The following PJVK variants were observed in gnomAD, a reference collection of about 807,000 sequenced individuals.
PJVK encodes autosomal recessive deafness type 59 protein.
Under a neutral mutation model 37.6 loss-of-function variants are expected in PJVK, and 33 were observed. That is an observed-to-expected ratio of 0.88 (90% confidence interval 0.67 to 1.17). The LOEUF (loss-of-function observed/expected upper bound fraction) is 1.17. PJVK is among the 50% of genes most tolerant of loss of function. The pLI is 0.00. For synonymous variants in PJVK, 141 were observed against 143.5 expected (o/e 0.98, Z 0.13); for missense variants, 410 against 413.8 (o/e 0.99, Z 0.08).
Position 178,451,661 on chromosome 2 carries a change from T to C in PJVK, c.-131T>C, listed in dbSNP as rs1575108145. ...AGGGGGCTGCGGTGCGCTCTTCGGG[T>C]CCCCGAGCCCTGTGTTTAGGAACAC... On this transcript the variant is annotated 5_prime_UTR_variant, in exon 1 of 7. Coordinates refer to ENST00000644580, the MANE Select transcript of PJVK (RefSeq NM_001042702.5). 2.2e-6 allele frequency: 1 copy of C among 452,074 alleles called. No individual in the cohort carries two copies. The highest frequency in any genetic ancestry group is 2.9e-6 in the Non-Finnish European group (1 of 342,646). The allele number at this position is 452,074 out of a possible 1,614,324, so 28.0% of individuals were successfully genotyped here.
At chr2:178,456,620 G>T (rs796251254) in intron 4 of PJVK, among the ~76,000 whole-genome samples, 14 of 152,234 alleles carry the variant, frequency 9.2e-5, no homozygotes, top group African/African-American at 3.1e-4. Flanking sequence ...ACAAAAATTA[G>T]CCAGGTGTGG....
intron 1 of PJVK, among the ~76,000 whole-genome samples, chr2:178,452,028 C>T (rs1267212336): frequency 6.6e-6 from 1 of 152,110 alleles, no homozygotes; most frequent in Non-Finnish European, 1.5e-5. Flanking sequence ...CGCGGTGGCT[C>T]ACGCCTGTAA....
chr2:178,456,973 T>C (rs1684140431), intron 4 of PJVK, among the ~76,000 whole-genome samples: 1 of 152,222 alleles, frequency 6.6e-6, no homozygotes, highest in Admixed American at 6.5e-5. Context: ...GCTGAATTTA[T>C]AGATTTTTTT....
chr2:178,457,891 AT>A (rs1684232626), intron 4 of PJVK, among the ~76,000 whole-genome samples: 1 of 152,196 alleles, frequency 6.6e-6, no homozygotes, highest in Non-Finnish European at 1.5e-5. Context: ...TCTGTGTTTA[AT>A]TTTCAGCTCA....
At chr2:178,456,276 A>G (rs139816578) in intron 4 of PJVK, 125 bp downstream of exon 4, 6 of 1,278,416 alleles carry the variant, frequency 4.7e-6, no homozygotes, top group East Asian at 5.1e-5. Context: ...CTGCAGTTGT[A>G]TAGGATTTTG....
In PJVK at chr2:178,460,955, A is replaced by G. The variant is rs1575125322; in HGVS notation, c.767-27A>G. On this transcript the variant is annotated intron_variant, in intron 6 of 6. Coordinates refer to ENST00000644580, the MANE Select transcript of PJVK (RefSeq NM_001042702.5). ...TATTTTTCATTTTCACTTCTAACAC[A>G]TTTCTTTTCTGTTTTTGTCCTTTTA... The G allele has an allele frequency of 1.9e-6, 3 of 1,608,366 alleles. 1 individual carries two copies. Among genetic ancestry groups the G allele is most frequent in the African/African-American group, 1.3e-5 (1 of 74,782 alleles).
intron 5 of PJVK, among the ~76,000 whole-genome samples, chr2:178,459,592 T>C (rs1004404218): frequency 6.6e-6 from 1 of 152,174 alleles, no homozygotes; most frequent in Non-Finnish European, 1.5e-5. Context: ...ATTCTCAGTC[T>C]AAGATGGAGA....
chr2:178,456,023 GA>G lies in PJVK; in HGVS notation c.422del (p.Asp141AlafsTer4), dbSNP rs1212819558. ...KEITTRKINF[D>X]HSLIRQSRSS... The stretch of plus-strand genomic sequence containing the variant: ...TCTTTATTTTAGAAAAATTAACTTT[GA>G]CCACAGCTTGATACGTCAGTCAAGG... On this transcript the variant is annotated frameshift_variant, in exon 4 of 7. Coordinates refer to ENST00000644580, the MANE Select transcript of PJVK (RefSeq NM_001042702.5). LOFTEE classifies it high-confidence loss of function. The G allele has an allele frequency of 1.2e-6, 2 of 1,613,852 alleles. No homozygotes were observed. Among genetic ancestry groups the G allele is most frequent in the Non-Finnish European group, 1.7e-6 (2 of 1,179,984 alleles).
chr2:178,454,224 C>A, intron 2 of PJVK, 108 bp from the exon 3 acceptor site: 1 of 927,526 alleles, frequency 1.1e-6, no homozygotes, highest in Non-Finnish European at 1.6e-6. Flanking sequence ...TGTTGCCTTT[C>A]TCTAACATTT....
At chr2:178,455,307 A>C (rs1683977828) in intron 3 of PJVK, 1 of 1,343,220 alleles carries the variant, frequency 7.4e-7, no homozygotes, top group African/African-American at 1.4e-5. Flanking sequence ...AAGACAATCT[A>C]TGACCAGTAA....
chr2:178,455,901 T>C, intron 3 of PJVK, 109 bp from the exon 4 acceptor site: 1 of 1,281,692 alleles, frequency 7.8e-7, no homozygotes, highest in Non-Finnish European at 1.1e-6. Flanking sequence ...ATTGCCTTGA[T>C]TTACTATTAG....
chr2:178,460,685 A>G (rs916705731), intron 6 of PJVK, among the ~76,000 whole-genome samples: 5 of 151,958 alleles, frequency 3.3e-5, no homozygotes, highest in African/African-American at 1.2e-4. Context: ...TACAAAGAAT[A>G]CAAAAGAAAA....
intron 5 of PJVK, chr2:178,459,072 A>T (rs1317594277): frequency 8.9e-6 from 4 of 449,052 alleles, no homozygotes; most frequent in Non-Finnish European, 1.9e-5. Context: ...CTTATCATAG[A>T]CCCAGCTTCC....
chr2:178,461,435 T>G lies in PJVK; in HGVS notation c.*161T>G. ...TATTCCCTATCTATAAAGTAGCAATTATAACAGTAGTGTCTATTTCTTAAG... is the reference window on the plus strand; with the variant it reads ...TATTCCCTATCTATAAAGTAGCAATGATAACAGTAGTGTCTATTTCTTAAG... On this transcript the variant is annotated 3_prime_UTR_variant, in exon 7 of 7. Coordinates refer to ENST00000644580, the MANE Select transcript of PJVK (RefSeq NM_001042702.5). 1.4e-6 allele frequency: 1 copy of G among 702,520 alleles called. No individual in the cohort carries two copies. The highest frequency in any genetic ancestry group is 4.0e-4 in the Middle Eastern group (1 of 2,502). The allele number at this position is 702,520 out of a possible 1,614,324, so 43.5% of individuals were successfully genotyped here.
At position 178,452,504 on chromosome 2, in the gene PJVK, C is replaced by T. The variant is rs1056826027; in HGVS notation, c.-23+735C>T. On this transcript the variant is annotated intron_variant, in intron 1 of 6. Coordinates refer to ENST00000644580, the MANE Select transcript of PJVK (RefSeq NM_001042702.5). ...AATGGATATCTTATTGGAAGGGCTA[C>T]ATAGTCAGTATTTCACAATATATGA... 8 of 985,126 alleles carry T rather than the reference C, an allele frequency of 8.1e-6. No individual in the cohort carries two copies. The African/African-American group carries it at 8.7e-5, about 11-fold the overall frequency. 61.0% of individuals were successfully genotyped at this position (985,126 alleles called of 1,614,324 possible). A position where few individuals can be genotyped will look rare whatever the true frequency, so the allele number is the denominator to read the frequency against.
intron 6 of PJVK, 35 bp downstream of exon 6, chr2:178,460,481 T>C (rs1559371759): frequency 9.5e-6 from 15 of 1,574,248 alleles, no homozygotes; most frequent in Non-Finnish European, 1.2e-5. Flanking sequence ...AATGTCTTTT[T>C]TTTTTCTTTC....
intron 4 of PJVK, 43 bp from the exon 5 acceptor site, chr2:178,458,467 C>A: frequency 6.9e-7 from 1 of 1,442,182 alleles, no homozygotes; most frequent in Non-Finnish European, 9.7e-7. Flanking sequence ...GCTATCCTTA[C>A]ATGTTATGAT....
chr2:178,459,217 G>A (rs1358841631), intron 5 of PJVK: 1 of 472,098 alleles, frequency 2.1e-6, no homozygotes, highest in Non-Finnish European at 4.4e-6. Flanking sequence ...TTGGCCAACT[G>A]GAACAAGTCC....
At chr2:178,456,305 A>G (rs1361876976) in intron 4 of PJVK, 154 bp downstream of exon 4, 3 of 881,530 alleles carry the variant, frequency 3.4e-6, no homozygotes, top group African/African-American at 1.7e-5. Context: ...TGTCTGTTCT[A>G]GAATATGAAA....
Sources: allele counts gnomAD v4.1 joint callset (sites outside exome capture counted in the v4.1 genomes callset), GRCh38; gene constraint gnomAD v4.1.1; transcripts MANE v1.5; gene names NCBI Gene and HGNC (gene_info 2026-07-23, HGNC 2026-07-21).